Variants in ANK3 observed in about 807,000 individuals in gnomAD.
The protein encoded by ANK3 is ankyrin-3.
ANK3 carries 57 observed loss-of-function variants against 370.9 expected under a neutral mutation model. The observed-to-expected ratio is 0.15, with a 90% CI of 0.12 to 0.19. The LOEUF is 0.19. ANK3 is among the 10% of genes least tolerant of loss of function. The probability of loss-of-function intolerance (pLI) is 1.00; values close to 1 mark genes in which losing one functional copy is unlikely to be tolerated. For missense variants in ANK3, 4,439 were observed against 5,302.1 expected (o/e 0.84, Z 5.06); for synonymous variants, 1,929 against 1,946.3 (o/e 0.99, Z 0.23).
At chr10:60,514,643 T>C (rs1567109590) in intron 2 of ANK3, among the ~76,000 whole-genome samples, 1 of 152,120 alleles carries the variant, frequency 6.6e-6, no homozygotes, top group Non-Finnish European at 1.5e-5. Flanking sequence ...ACAAAGCAAA[T>C]TGATGGCCTA....
chr10:60,089,459 TTGTGTGTGTGTGTGTGTGTGTGTG>T (rs61497871), intron 28 of ANK3, among the ~76,000 whole-genome samples: 420 of 141,642 alleles, frequency 3.0e-3, no homozygotes, highest in Non-Finnish European at 4.2e-3. Context: ...TCCATCCAGG[TTGTGTGTGTGTGTGTGTGTGTGTG>T]TGTGTGTGTG....
chr10:60,036,422 A>ATTTTTTTTTTTTTTTTTTTTTTTTT lies in ANK3; in HGVS notation c.*19+6225_*19+6249dup, dbSNP rs563946588. On this transcript the variant is annotated intron_variant, in intron 43 of 43. Coordinates refer to ENST00000280772, the MANE Select transcript of ANK3 (RefSeq NM_020987.5). Reference sequence around the variant, plus strand: ...CTGCGGAAGAGAGAGGTCAGAGGCAATTTTTTTTTTTTTTTTTTTTTTTTT... The same window carrying ATTTTTTTTTTTTTTTTTTTTTTTTT: ...CTGCGGAAGAGAGAGGTCAGAGGCAATTTTTTTTTTTTTTTTTTTTTTTTTTTTTTTTTTTTTTTTTTTTTTTTTT... Among the ~76,000 whole-genome samples the ATTTTTTTTTTTTTTTTTTTTTTTTT allele has an allele frequency of 5.5e-5, 4 of 72,310 alleles. 1 individual carries two copies. Among genetic ancestry groups the ATTTTTTTTTTTTTTTTTTTTTTTTT allele is most frequent in the African/African-American group, 2.8e-4 (4 of 14,234 alleles). 47.4% of individuals were successfully genotyped at this position (72,310 alleles called of 152,430 possible). A position where few individuals can be genotyped will look rare whatever the true frequency, so the allele number is the denominator to read the frequency against.
chr10:60,490,269 T>G (rs2075459263), intron 2 of ANK3, among the ~76,000 whole-genome samples: 1 of 152,182 alleles, frequency 6.6e-6, no homozygotes, highest in Admixed American at 6.5e-5. Context: ...AAAAACTTCT[T>G]GGCACATTCT....
At chr10:60,209,697 C>G (rs117360719) in intron 9 of ANK3, among the ~76,000 whole-genome samples, 1 of 152,120 alleles carries the variant, frequency 6.6e-6, no homozygotes, top group South Asian at 2.1e-4. Context: ...CTGCTACCCA[C>G]GAGCATATGG....
intron 2 of ANK3, among the ~76,000 whole-genome samples, chr10:60,498,432 C>G (rs1316747212): frequency 6.6e-6 from 1 of 152,088 alleles, no homozygotes; most frequent in Non-Finnish European, 1.5e-5. Flanking sequence ...CACTCTGTCA[C>G]CCAGGCTGGA....
At chr10:60,032,213 T>TTTTTTTG (rs2073812787) in intron 43 of ANK3, among the ~76,000 whole-genome samples, 1 of 133,242 alleles carries the variant, frequency 7.5e-6, no homozygotes, top group African/African-American at 2.8e-5. Context: ...TTTTTTTTTT[T>TTTTTTTG]TTTTTTGAGA....
At chr10:60,625,011 TC>T (rs772247662) in intron 1 of ANK3, among the ~76,000 whole-genome samples, 44 of 152,148 alleles carry the variant, frequency 2.9e-4, no homozygotes, top group Non-Finnish European at 5.4e-4. Flanking sequence ...TGAAGTCTGT[TC>T]CTTTACCCTT....
chr10:60,083,030 A>C (rs1489130431), intron 33 of ANK3, among the ~76,000 whole-genome samples: 1 of 152,120 alleles, frequency 6.6e-6, no homozygotes. Flanking sequence ...TTTTTCTGAA[A>C]GCTCCAGCTT....
At chr10:60,251,126 T>C (rs1002958468) in intron 7 of ANK3, among the ~76,000 whole-genome samples, 9 of 152,196 alleles carry the variant, frequency 5.9e-5, no homozygotes, top group Non-Finnish European at 1.2e-4. Flanking sequence ...ATAAATGAAA[T>C]ACTTGCTACT....
intron 23 of ANK3, among the ~76,000 whole-genome samples, chr10:60,155,238 CA>C (rs1198062423): frequency 6.6e-6 from 1 of 152,192 alleles, no homozygotes; most frequent in Non-Finnish European, 1.5e-5. Flanking sequence ...GGCAGCACAG[CA>C]TAGAGAAAGA....
At chr10:60,671,279 T>C (rs2079061656) in intron 1 of ANK3, among the ~76,000 whole-genome samples, 1 of 152,222 alleles carries the variant, frequency 6.6e-6, no homozygotes, top group Non-Finnish European at 1.5e-5. Flanking sequence ...TTCAGTCACC[T>C]TGGCCTCCTC....
upstream of ANK3, among the ~76,000 whole-genome samples, chr10:60,391,162 T>A (rs2063070369): frequency 6.6e-6 from 1 of 152,234 alleles, no homozygotes; most frequent in Non-Finnish European, 1.5e-5. Context: ...ATCCCATTCC[T>A]ACTACCAATG....
intron 28 of ANK3, among the ~76,000 whole-genome samples, chr10:60,105,667 AT>A (rs2092065277): frequency 6.6e-6 from 1 of 152,210 alleles, no homozygotes; most frequent in African/African-American, 2.4e-5. Flanking sequence ...AGATTGATGT[AT>A]GTGATTAAAG....
intron 17 of ANK3, 25 bp downstream of exon 17, chr10:60,186,690 C>T: frequency 6.2e-7 from 1 of 1,612,332 alleles, no homozygotes; most frequent in South Asian, 1.1e-5. Flanking sequence ...GTGCTGCATG[C>T]TTTGTCAAGA....
chr10:60,355,294 C>T (rs1184831867), intron 1 of ANK3, among the ~76,000 whole-genome samples: 1 of 152,044 alleles, frequency 6.6e-6, no homozygotes, highest in African/African-American at 2.4e-5. Context: ...AAAAACAAAA[C>T]CTTATCAAAA....
chr10:60,601,163 T>G (rs2078056007), intron 2 of ANK3, among the ~76,000 whole-genome samples: 1 of 131,354 alleles, frequency 7.6e-6, no homozygotes, highest in South Asian at 2.7e-4. Flanking sequence ...TCATTAAACA[T>G]TTATACAACG....
intron 2 of ANK3, among the ~76,000 whole-genome samples, chr10:60,462,583 GC>G (rs755143543): frequency 7.5e-6 from 1 of 132,706 alleles, no homozygotes; most frequent in African/African-American, 2.8e-5. Flanking sequence ...AAAAAATTTA[GC>G]TTTTTTTTTT....
intron 4 of ANK3, among the ~76,000 whole-genome samples, chr10:60,275,889 C>A (rs565899222): frequency 2.0e-5 from 3 of 152,194 alleles, no homozygotes; most frequent in Admixed American, 6.5e-5. Flanking sequence ...TTTGACTGTG[C>A]AGTTTGAGAT....
chr10:60,497,274 T>TGA (rs2133134349), intron 2 of ANK3, among the ~76,000 whole-genome samples: 1 of 152,110 alleles, frequency 6.6e-6, no homozygotes, highest in South Asian at 2.1e-4. Flanking sequence ...GGTGACAGAG[T>TGA]GAGACCCTGT....
Sources: allele counts gnomAD v4.1 joint callset (sites outside exome capture counted in the v4.1 genomes callset), GRCh38; gene constraint gnomAD v4.1.1; transcripts MANE v1.5; gene names NCBI Gene and HGNC (gene_info 2026-07-23, HGNC 2026-07-21).